The following CNBD1 variants were observed in gnomAD, a reference collection of about 807,000 sequenced individuals.
CNBD1 encodes cyclic nucleotide binding domain containing 1.
In CNBD1, 71 loss-of-function variants were observed where a neutral mutation model predicts 54.4. That is an observed-to-expected ratio of 1.30 (90% CI 1.08 to 1.59). The LOEUF (loss-of-function observed/expected upper bound fraction) is 1.59. Among genes scored for constraint, CNBD1 ranks in the 40% most tolerant of loss-of-function variants. The pLI, the probability that CNBD1 is intolerant of heterozygous loss-of-function variation, is 0.00. For synonymous variants in CNBD1, 182 were observed against 170.7 expected (o/e 1.07, Z -0.51); for missense variants, 659 against 518.0 (o/e 1.27, Z -2.64).
At chr8:86,933,103 T>C (rs1323901625) in intron 3 of CNBD1, among the ~76,000 whole-genome samples, 1 of 151,972 alleles carries the variant, frequency 6.6e-6, no homozygotes, top group South Asian at 2.1e-4. Flanking sequence ...ATTGGAAGAG[T>C]GATGCCTTTT....
chr8:86,940,880 C>A (rs1809643408), intron 4 of CNBD1, among the ~76,000 whole-genome samples: 1 of 152,142 alleles, frequency 6.6e-6, no homozygotes, highest in Non-Finnish European at 1.5e-5. Flanking sequence ...GGTATAACTG[C>A]CTACAGTATA....
At position 87,246,327 on chromosome 8, in the gene CNBD1, A is replaced by G. The variant is rs1807803680; in HGVS notation, c.771+9215A>G. Among the ~76,000 whole-genome samples the G allele has an allele frequency of 2.0e-5, 3 of 152,148 alleles. No individual in the cohort carries two copies. The South Asian group carries it at 6.2e-4, about 31-fold the overall frequency. On this transcript the variant is annotated intron_variant, in intron 6 of 10. Transcript: ENST00000518476. ...GGAATGAGAAGCTTTTGGGTTTGCA[A>G]AACCCCAAATGGATGATGCCAATAA... is the stretch of plus-strand genomic sequence containing the variant.
At chr8:87,230,197 G>C (rs781082448) in intron 5 of CNBD1, among the ~76,000 whole-genome samples, 2 of 152,124 alleles carry the variant, frequency 1.3e-5, no homozygotes, top group Non-Finnish European at 2.9e-5. Context: ...GCATCGAGAG[G>C]ATGGTGCTAA....
chr8:87,419,104 T>C (rs1807883140), intron 2 of CNBD1, among the ~76,000 whole-genome samples: 2 of 98,936 alleles, frequency 2.0e-5, no homozygotes, highest in South Asian at 4.9e-4. Flanking sequence ...TATATGTATA[T>C]ATATATTCAT....
chr8:87,085,682 C>A (rs1325178200), intron 4 of CNBD1, among the ~76,000 whole-genome samples: 9 of 152,104 alleles, frequency 5.9e-5, no homozygotes, highest in Admixed American at 5.2e-4. Context: ...TGAGTCTGTG[C>A]CTGTGAGAGG....
intron 4 of CNBD1, among the ~76,000 whole-genome samples, chr8:87,164,868 GTTTA>G (rs1420717999): frequency 4.6e-5 from 7 of 151,528 alleles, no homozygotes; most frequent in Non-Finnish European, 1.5e-5. Context: ...TATGAAGGTA[GTTTA>G]TTTATTTGAG....
At chr8:87,405,336 T>A (rs1002835066) in intron 2 of CNBD1, among the ~76,000 whole-genome samples, 6 of 152,084 alleles carry the variant, frequency 3.9e-5, no homozygotes, top group Non-Finnish European at 8.8e-5. Flanking sequence ...ATGATGCATG[T>A]AAAGTATTTG....
intron 4 of CNBD1, among the ~76,000 whole-genome samples, chr8:87,071,819 A>G (rs544469754): frequency 5.9e-5 from 9 of 152,118 alleles, no homozygotes; most frequent in Admixed American, 1.3e-4. Flanking sequence ...GTAGATATCT[A>G]TCAAGTCCAC....
At chr8:87,379,011 T>C (rs1811013824) in intron 10 of CNBD1, among the ~76,000 whole-genome samples, 1 of 150,072 alleles carries the variant, frequency 6.7e-6, no homozygotes, top group African/African-American at 2.5e-5. Context: ...TTTTGTAAAC[T>C]GAGACTTTGC....
At chr8:86,939,173 G>T (rs2130424169) in intron 3 of CNBD1, among the ~76,000 whole-genome samples, 1 of 152,080 alleles carries the variant, frequency 6.6e-6, no homozygotes, top group East Asian at 1.9e-4. Context: ...GATGTTTATA[G>T]ATTACCAGTG....
At position 87,381,028 on chromosome 8, in the gene CNBD1, C is replaced by A. The variant is rs996161393; in HGVS notation, c.1304-1592C>A. ...ACACCAAAAGCACAGGCAACAAAAACAAACCAGTGAGACCACATCAAACTA... is the reference window on the plus strand; with the variant it reads ...ACACCAAAAGCACAGGCAACAAAAAAAAACCAGTGAGACCACATCAAACTA... On this transcript the variant is annotated intron_variant, in intron 10 of 10. Coordinates refer to ENST00000518476, the MANE Select transcript of CNBD1 (RefSeq NM_173538.3). 2.6e-5 allele frequency among the ~76,000 whole-genome samples: 4 copies of A among 151,936 alleles called. No individual in the cohort carries two copies. In the South Asian group the frequency reaches 8.3e-4, roughly 31 times the overall value.
At chr8:87,215,232 C>T (rs1814183772) in intron 5 of CNBD1, among the ~76,000 whole-genome samples, 1 of 152,042 alleles carries the variant, frequency 6.6e-6, no homozygotes. Context: ...TCACAAAAGG[C>T]CACGTGTTTA....
intron 6 of CNBD1, among the ~76,000 whole-genome samples, chr8:87,266,028 A>G (rs1419916825): frequency 6.6e-6 from 1 of 152,102 alleles, no homozygotes; most frequent in Admixed American, 6.6e-5. Flanking sequence ...AATATAGTAC[A>G]CTGTAAGCCA....
At chr8:87,329,780 A>G (rs1373522551) in intron 8 of CNBD1, among the ~76,000 whole-genome samples, 1 of 151,952 alleles carries the variant, frequency 6.6e-6, no homozygotes, top group Non-Finnish European at 1.5e-5. Flanking sequence ...ATCCCTTATT[A>G]GTTCCAGGAA....
chr8:87,169,833 G>T (rs1236413503), intron 4 of CNBD1, among the ~76,000 whole-genome samples: 1 of 152,058 alleles, frequency 6.6e-6, no homozygotes, highest in Non-Finnish European at 1.5e-5. Flanking sequence ...TTGAAATCAG[G>T]TAATGTGATT....
At chr8:86,943,989 A>G (rs1337462495) in intron 4 of CNBD1, among the ~76,000 whole-genome samples, 4 of 152,172 alleles carry the variant, frequency 2.6e-5, no homozygotes, top group Admixed American at 6.5e-5. Context: ...TCACAGCTTA[A>G]TTTCAGGGAT....
intron 4 of CNBD1, among the ~76,000 whole-genome samples, chr8:87,066,890 A>T (rs1397573545): frequency 6.6e-6 from 1 of 151,896 alleles, no homozygotes; most frequent in Non-Finnish European, 1.5e-5. Flanking sequence ...CACCGATGTA[A>T]TTACTTCTTT....
intron 4 of CNBD1, among the ~76,000 whole-genome samples, chr8:87,028,819 C>A (rs528304187): frequency 1.3e-5 from 2 of 152,162 alleles, no homozygotes; most frequent in East Asian, 3.9e-4. Context: ...GCTTTAAGAC[C>A]AGCAGGGTCA....
intron 8 of CNBD1, among the ~76,000 whole-genome samples, chr8:87,329,340 A>T (rs1809764374): frequency 6.6e-6 from 1 of 152,090 alleles, no homozygotes; most frequent in African/African-American, 2.4e-5. Flanking sequence ...TGGCTGTGTC[A>T]GTCTTTCAAC....
Sources: gnomAD v4.1 joint callset for allele counts (sites outside exome capture counted in the v4.1 genomes callset) on GRCh38, gnomAD v4.1.1 for gene constraint, MANE v1.5 for transcripts, NCBI Gene and HGNC (gene_info 2026-07-23, HGNC 2026-07-21) for gene names.